Variants in ZNF225 observed in about 807,000 individuals in gnomAD.
ZNF225 encodes zinc finger protein 225.
In ZNF225, 6 loss-of-function variants were observed where a neutral mutation model predicts 12.0. The observed-to-expected ratio is 0.50, with a 90% confidence interval of 0.27 to 0.98. The LOEUF (loss-of-function observed/expected upper bound fraction) is 0.98. Among genes scored for constraint, ZNF225 ranks in the 50% least tolerant of loss-of-function variants. The pLI, the probability that ZNF225 is intolerant of heterozygous loss-of-function variation, is 0.11. For synonymous variants in ZNF225, 271 were observed against 283.2 expected (o/e 0.96, Z 0.43); for missense variants, 763 against 848.2 (o/e 0.90, Z 1.25).
intron 4 of ZNF225, among the ~76,000 whole-genome samples, chr19:44,125,760 G>A (rs955686997): frequency 2.6e-5 from 4 of 152,084 alleles, no homozygotes; most frequent in Non-Finnish European, 5.9e-5. Flanking sequence ...GTCTTTGTTG[G>A]ATTGGGTTAA....
intron 1 of ZNF225, chr19:44,114,259 A>G (rs1277013252): frequency 6.2e-6 from 5 of 808,436 alleles, no homozygotes; most frequent in Admixed American, 1.9e-5. Flanking sequence ...GCTCACCCCA[A>G]CCGAGAGTGT....
chr19:44,122,941 G>A (rs187415441), intron 4 of ZNF225, among the ~76,000 whole-genome samples: 5 of 152,186 alleles, frequency 3.3e-5, no homozygotes, highest in East Asian at 1.9e-4. Context: ...TATCATTAGC[G>A]AACAGTGACA....
chr19:44,124,349 C>T (rs1475692690), intron 4 of ZNF225, among the ~76,000 whole-genome samples: 3 of 151,934 alleles, frequency 2.0e-5, no homozygotes, highest in Non-Finnish European at 4.4e-5. Context: ...AGTTGATTTC[C>T]AGTTTTATTC....
intron 4 of ZNF225, among the ~76,000 whole-genome samples, chr19:44,122,497 G>A (rs1246293724): frequency 1.3e-5 from 2 of 151,942 alleles, no homozygotes; most frequent in Non-Finnish European, 2.9e-5. Flanking sequence ...TTTTGGTTCC[G>A]TATGAATTTT....
intron 1 of ZNF225, among the ~76,000 whole-genome samples, chr19:44,113,859 A>T (rs555131499): frequency 7.2e-5 from 11 of 152,292 alleles, no homozygotes; most frequent in African/African-American, 2.6e-4. Context: ...TGGGAACTGA[A>T]AGCGGTAACA....
rs780591622 is a variant in ZNF225, at chr19:44,131,122, C to G, written c.508C>G (p.Gln170Glu). Residue 170 changes from glutamine to glutamate, a missense_variant, in exon 5 of 5, where the codon CAG becomes GAG. By Grantham distance (29) the Gln-to-Glu change is conservative. Coordinates refer to ENST00000262894, the MANE Select transcript of ZNF225 (RefSeq NM_013362.4). ...CGTCCTTGATCTTCATCAACAACTA[C>G]AGTCAAGAGAGAAGTCTCATACATG... ...VSVLDLHQQL[Q>E]SREKSHTCDE... The G allele has an allele frequency of 6.2e-7, 1 of 1,614,182 alleles. No individual in the cohort carries two copies. Among genetic ancestry groups the G allele is most frequent in the South Asian group, 1.1e-5 (1 of 91,084 alleles).
In ZNF225 at chr19:44,131,620, A is replaced by G. The variant is rs1188346608; in HGVS notation, c.1006A>G (p.Met336Val). ...GAAATCAGCACTTAATAGTCATCGC[A>G]TGGTCCACACAGGAGAGAAACGGTA... ...GLKSALNSHR[M>V]VHTGEKRYKC... Residue 336 changes from methionine (M) to valine (V), a missense_variant, in exon 5 of 5, where the codon ATG becomes GTG. Transcript: ENST00000262894. 2.5e-6 allele frequency: 4 copies of G among 1,613,994 alleles called. No homozygotes were observed. The highest frequency in any genetic ancestry group is 2.7e-5 in the African/African-American group (2 of 74,930).
chr19:44,116,326 T>C (rs570888167), intron 2 of ZNF225, among the ~76,000 whole-genome samples: 2 of 152,314 alleles, frequency 1.3e-5, no homozygotes, highest in Admixed American at 6.5e-5. Flanking sequence ...TATAGCCTGT[T>C]GTGTTGTGCC....
Position 44,118,541 on chromosome 19 carries a change from A to T in ZNF225, c.202A>T (p.Met68Leu). 6.2e-7 allele frequency: 1 copy of T among 1,613,078 alleles called. No homozygotes were observed. The highest frequency in any genetic ancestry group is 8.5e-7 in the Non-Finnish European group (1 of 1,179,320). Residue 68 changes from methionine (M) to leucine (L), a missense_variant, in exon 4 of 5, where the codon ATG (methionine) becomes TTG (leucine). Met to Leu is a conservative substitution (Grantham distance 15). Coordinates refer to ENST00000262894, the MANE Select transcript of ZNF225 (RefSeq NM_013362.4). ...CCTAAAGGAAGAAAAGTTTTGGATGATGGAGACAGCAACCCAAAGAGAAGG... is the reference window on the plus strand; with the variant it reads ...CCTAAAGGAAGAAAAGTTTTGGATGTTGGAGACAGCAACCCAAAGAGAAGG... Reference protein sequence around the residue: ...HFLKEEKFWMMETATQREGNL... With the variant: ...HFLKEEKFWMLETATQREGNL...
Position 44,131,409 on chromosome 19 carries a change from T to C in ZNF225, c.795T>C (p.Cys265=). Residue 265 remains cysteine, a synonymous_variant, in exon 5 of 5, where the codon TGT becomes TGC. Coordinates refer to ENST00000262894, the MANE Select transcript of ZNF225 (RefSeq NM_013362.4). ...TGAAACCTCATATTTGTGAGAAATG[T>C]GGGAAGGCCTTCATTCATGATTCCC... is the stretch of plus-strand genomic sequence containing the variant. ...TGVKPHICEK[C]GKAFIHDSQL... 1 of 1,614,238 alleles carries C rather than the reference T, an allele frequency of 6.2e-7. No individual in the cohort carries two copies. Among genetic ancestry groups the C allele is most frequent in the South Asian group, 1.1e-5 (1 of 91,084 alleles).
chr19:44,128,008 A>G (rs1968182057), intron 4 of ZNF225, among the ~76,000 whole-genome samples: 1 of 152,228 alleles, frequency 6.6e-6, no homozygotes, highest in African/African-American at 2.4e-5. Flanking sequence ...ATACAAGGGG[A>G]AAAAACTTTC....
intron 4 of ZNF225, among the ~76,000 whole-genome samples, chr19:44,121,712 A>T (rs1187005534): frequency 6.6e-6 from 1 of 152,126 alleles, no homozygotes; most frequent in Non-Finnish European, 1.5e-5. Context: ...GTGGTATCGC[A>T]TTGTGGTTTT....
At chr19:44,120,868 A>G (rs1599675541) in intron 4 of ZNF225, among the ~76,000 whole-genome samples, 1 of 145,112 alleles carries the variant, frequency 6.9e-6, no homozygotes, top group African/African-American at 2.6e-5. Flanking sequence ...CCCTCCTCCC[A>G]CTCTTTCCCG....
rs1195884405 is a variant in ZNF225 at position 44,134,548 on chromosome 19, T to C, written c.*1813T>C. 1 of 152,244 alleles carries C rather than the reference T, an allele frequency of 6.6e-6. No homozygotes were observed. The highest frequency in any genetic ancestry group is 6.5e-5 in the Admixed American group (1 of 15,290). The allele number at this position is 152,244 out of a possible 1,614,324, so 9.4% of individuals were successfully genotyped here. ...TGTTGGCTCAGTCTTCTTTTTGTTT[T>C]GTGTGTTTTGGTTTTTAACTGTCAC... On this transcript the variant is annotated 3_prime_UTR_variant, in exon 5 of 5. Coordinates refer to ENST00000262894, the MANE Select transcript of ZNF225 (RefSeq NM_013362.4).
At chr19:44,126,662 G>T (rs1413466144) in intron 4 of ZNF225, among the ~76,000 whole-genome samples, 1 of 152,118 alleles carries the variant, frequency 6.6e-6, no homozygotes, top group Admixed American at 6.6e-5. Flanking sequence ...CCATCAGGGA[G>T]GGGGAGGGCT....
At chr19:44,117,051 C>CT (rs1967955561) in intron 2 of ZNF225, among the ~76,000 whole-genome samples, 1 of 151,748 alleles carries the variant, frequency 6.6e-6, no homozygotes, top group Non-Finnish European at 1.5e-5. Flanking sequence ...ATTATCAATT[C>CT]TTTGGAATAC....
intron 4 of ZNF225, among the ~76,000 whole-genome samples, chr19:44,125,705 T>A (rs2147566340): frequency 6.6e-6 from 1 of 152,314 alleles, no homozygotes; most frequent in East Asian, 1.9e-4. Context: ...CATAATCCCA[T>A]ACTTCTTTGA....
rs184915163 is a variant in ZNF225, at chr19:44,130,990, A to G, written c.376A>G (p.Lys126Glu). ...DSMVNSFQFS[K>E]QDDMPCQVDA... The stretch of plus-strand genomic sequence containing the variant: ...CATGGTAAACAGCTTTCAGTTCTCC[A>G]AACAAGATGATATGCCCTGCCAGGT... Residue 126 changes from lysine (K) to glutamate (E), a missense_variant, in exon 5 of 5, where the codon AAA becomes GAA. Lys to Glu is a moderately conservative substitution (Grantham distance 56). Coordinates refer to ENST00000262894, the MANE Select transcript of ZNF225 (RefSeq NM_013362.4). The G allele has an allele frequency of 2.4e-4, 390 of 1,614,070 alleles. 1 individual carries two copies. In the African/African-American group the frequency reaches 4.6e-3, roughly 19 times the overall value.
rs1441421037 is a variant in ZNF225 at position 44,133,971 on chromosome 19, CT to C, written c.*1239del. On this transcript the variant is annotated 3_prime_UTR_variant, in exon 5 of 5. Coordinates refer to ENST00000262894, the MANE Select transcript of ZNF225 (RefSeq NM_013362.4). ...CTGTATCTTTTCAGGATGCTAGGTA[CT>C]TTATGAAGATCCATGCTGTCTCAAT... 1 of 151,876 alleles carries C rather than the reference CT, an allele frequency of 6.6e-6. No individual in the cohort carries two copies. The highest frequency in any genetic ancestry group is 1.5e-5 in the Non-Finnish European group (1 of 68,012). The allele number at this position is 151,876 out of a possible 1,614,324, so 9.4% of individuals were successfully genotyped here.
Sources: gnomAD v4.1 joint callset for allele counts (sites outside exome capture counted in the v4.1 genomes callset) on GRCh38, gnomAD v4.1.1 for gene constraint, MANE v1.5 for transcripts, NCBI Gene and HGNC (gene_info 2026-07-23, HGNC 2026-07-21) for gene names.